The following SLC22A16 variants were observed in gnomAD, a reference collection of about 807,000 sequenced individuals.
The protein encoded by SLC22A16 is WUGSC:RG331P03.1.
Under a neutral mutation model 52.9 loss-of-function variants are expected in SLC22A16, and 53 were observed. That is an observed-to-expected ratio of 1.00 (90% CI 0.80 to 1.26). SLC22A16 has a LOEUF of 1.26. Ranked by LOEUF, SLC22A16 falls within the 50% of genes most tolerant of loss-of-function variation. The probability of loss-of-function intolerance (pLI) is 0.00; values close to 1 mark genes in which losing one functional copy is unlikely to be tolerated. For synonymous variants in SLC22A16, 291 were observed against 268.8 expected, an observed-to-expected ratio of 1.08 and a Z score of -0.81; for missense variants, 726 against 704.0, an observed-to-expected ratio of 1.03 and a Z score of -0.35.
intron 1 of SLC22A16, among the ~76,000 whole-genome samples, chr6:110,459,444 A>T (rs906531249): frequency 2.0e-5 from 3 of 152,152 alleles, no homozygotes; most frequent in African/African-American, 2.4e-5. Context: ...TTAATAATTT[A>T]AAAAAAGACC....
At position 110,446,890 on chromosome 6, in the gene SLC22A16, G is replaced by C. The variant is rs370297042; in HGVS notation, c.634C>G (p.Arg212Gly). 6.2e-7 allele frequency: 1 copy of C among 1,610,440 alleles called. No individual in the cohort carries two copies. Among genetic ancestry groups the C allele is most frequent in the Non-Finnish European group, 8.5e-7 (1 of 1,179,080 alleles). The part of the protein sequence containing the change: ...AVDYYTFMAA[R>G]FFLAMVASGY... The stretch of plus-strand genomic sequence containing the variant: ...CAACTCACCATGGCAAGAAAAAAGC[G>C]AGCAGCCATGAAGGTGTAATAATCA... Residue 212 changes from arginine (R) to glycine (G), a missense_variant, in exon 3 of 8, where the codon CGC becomes GGC. Arg to Gly is a moderately radical substitution (Grantham distance 125). Coordinates refer to ENST00000368919, the MANE Select transcript of SLC22A16 (RefSeq NM_033125.4).
At chr6:110,455,222 T>C (rs1582567321) in intron 2 of SLC22A16, among the ~76,000 whole-genome samples, 1 of 151,624 alleles carries the variant, frequency 6.6e-6, no homozygotes, top group African/African-American at 2.4e-5. Flanking sequence ...CCCGTTTTTG[T>C]CATACAGCAA....
intron 7 of SLC22A16, among the ~76,000 whole-genome samples, chr6:110,428,036 A>C (rs888716813): frequency 6.6e-6 from 1 of 151,962 alleles, no homozygotes; most frequent in African/African-American, 2.4e-5. Flanking sequence ...GTTAATGAGC[A>C]CATAAAAAGC....
intron 6 of SLC22A16, among the ~76,000 whole-genome samples, chr6:110,433,993 C>A (rs368498000): frequency 2.0e-5 from 3 of 152,114 alleles, no homozygotes; most frequent in Non-Finnish European, 2.9e-5. Flanking sequence ...GTAATCCTAG[C>A]GCTTTGGGAG....
chr6:110,461,542 T>G (rs1775884401), intron 1 of SLC22A16, among the ~76,000 whole-genome samples: 1 of 151,936 alleles, frequency 6.6e-6, no homozygotes, highest in African/African-American at 2.4e-5. Context: ...GAGACTGAAC[T>G]GCATCATCAA....
chr6:110,458,209 A>G (rs1228647715), intron 1 of SLC22A16, among the ~76,000 whole-genome samples: 1 of 152,094 alleles, frequency 6.6e-6, no homozygotes, highest in African/African-American at 2.4e-5. Flanking sequence ...TGTCCACTGG[A>G]CACGTGACCC....
At chr6:110,440,139 C>T (rs221713) in intron 4 of SLC22A16, 6,286 of 152,314 alleles carry the variant, frequency 0.041, 207 homozygotes, top group East Asian at 0.15. Flanking sequence ...CCTTAGGCAA[C>T]CTGGTGGTTC....
chr6:110,451,882 C>T (rs1775392876), intron 2 of SLC22A16, among the ~76,000 whole-genome samples: 1 of 152,156 alleles, frequency 6.6e-6, no homozygotes, highest in Admixed American at 6.5e-5. Flanking sequence ...TTCCTAAAAT[C>T]GTATAGTTTT....
chr6:110,450,745 T>G (rs1167487461), intron 2 of SLC22A16, among the ~76,000 whole-genome samples: 1 of 152,082 alleles, frequency 6.6e-6, no homozygotes, highest in Non-Finnish European at 1.5e-5. Flanking sequence ...TATTATAATA[T>G]TTTATACATA....
chr6:110,424,860 A>C lies in SLC22A16; in HGVS notation c.*13T>G. 2 of 1,614,132 alleles carry C rather than the reference A, an allele frequency of 1.2e-6. No homozygotes were observed. The highest frequency in any genetic ancestry group is 1.7e-6 in the Non-Finnish European group (2 of 1,179,980). Reference sequence around the variant, plus strand: ...AATAATATTTCAGGTGCTAGACAGCAGGCATGGCACATTTATTCACCAAGA... The same window carrying C: ...AATAATATTTCAGGTGCTAGACAGCCGGCATGGCACATTTATTCACCAAGA... On this transcript the variant is annotated 3_prime_UTR_variant, in exon 8 of 8. Transcript: ENST00000368919.
intron 1 of SLC22A16, among the ~76,000 whole-genome samples, chr6:110,468,858 C>T (rs1208866366): frequency 2.6e-5 from 4 of 152,142 alleles, no homozygotes; most frequent in East Asian, 3.9e-4. Context: ...CAGAATCCCT[C>T]GTCCCCAGCC....
At chr6:110,470,879 C>G (rs17579044) in intron 1 of SLC22A16, among the ~76,000 whole-genome samples, 5,800 of 152,256 alleles carry the variant, frequency 0.038, 160 homozygotes, top group East Asian at 0.12. Context: ...ATCTAGTTTT[C>G]TGGTTAAACT....
At chr6:110,439,204 C>T (rs1464770426) in intron 4 of SLC22A16, among the ~76,000 whole-genome samples, 1 of 152,128 alleles carries the variant, frequency 6.6e-6, no homozygotes, top group Admixed American at 6.5e-5. Context: ...TGCAAGAGTA[C>T]AAGTGAAAAA....
intron 3 of SLC22A16, among the ~76,000 whole-genome samples, chr6:110,443,342 A>G (rs1775049397): frequency 1.3e-5 from 2 of 152,212 alleles, no homozygotes; most frequent in South Asian, 4.1e-4. Flanking sequence ...CTGATAAGGG[A>G]TTTTATGGAG....
intron 3 of SLC22A16, 97 bp downstream of exon 3, chr6:110,446,776 A>T: frequency 9.6e-7 from 1 of 1,044,566 alleles, no homozygotes; most frequent in Non-Finnish European, 1.4e-6. Context: ...TGAGTCCTTG[A>T]TCTCGCTCAC....
chr6:110,462,613 T>G (rs1002143510), intron 1 of SLC22A16, among the ~76,000 whole-genome samples: 1 of 152,134 alleles, frequency 6.6e-6, no homozygotes, highest in Non-Finnish European at 1.5e-5. Context: ...ATAAAGTCTT[T>G]GAGAAATATG....
chr6:110,442,790 A>G lies in SLC22A16; in HGVS notation c.652-15T>C. On this transcript the variant is annotated splice_polypyrimidine_tract_variant and intron_variant, in intron 3 of 7. Coordinates refer to ENST00000368919, the MANE Select transcript of SLC22A16 (RefSeq NM_033125.4). ...CCACTTGCAACCTGAAAAACAAATA[A>G]TAGGGATTTATATTCAAGGTCACAT... 1.2e-6 allele frequency: 2 copies of G among 1,603,620 alleles called. No homozygotes were observed. Among genetic ancestry groups the G allele is most frequent in the South Asian group, 1.1e-5 (1 of 89,486 alleles).
intron 1 of SLC22A16, 57 bp downstream of exon 1, chr6:110,476,465 G>C: frequency 1.4e-6 from 2 of 1,466,094 alleles, no homozygotes; most frequent in Non-Finnish European, 1.8e-6. Flanking sequence ...GCAACGGAAA[G>C]AAACAGACCC....
At chr6:110,462,359 T>C (rs939975122) in intron 1 of SLC22A16, among the ~76,000 whole-genome samples, 14 of 152,084 alleles carry the variant, frequency 9.2e-5, no homozygotes, top group African/African-American at 2.9e-4. Context: ...CTAACTAAAA[T>C]GAAAATTCTG....
Sources: allele counts gnomAD v4.1 joint callset (sites outside exome capture counted in the v4.1 genomes callset), GRCh38; gene constraint gnomAD v4.1.1; transcripts MANE v1.5; gene names NCBI Gene and HGNC (gene_info 2026-07-23, HGNC 2026-07-21).